Variants in RASL12 observed in about 807,000 individuals in gnomAD.
The protein encoded by RASL12 is ras-like protein family member 12.
A neutral mutation model predicts 22.9 loss-of-function variants in RASL12; 16 were observed. That is an observed-to-expected ratio of 0.70 (90% CI 0.47 to 1.06). The LOEUF is 1.06. Among genes scored for constraint, RASL12 ranks in the 50% least tolerant of loss-of-function variants. The probability of loss-of-function intolerance (pLI) is 0.00; values close to 1 mark genes in which losing one functional copy is unlikely to be tolerated. For synonymous variants in RASL12, 159 were observed against 152.2 expected (o/e 1.04, Z -0.33); for missense variants, 306 against 353.1 (o/e 0.87, Z 1.07).
upstream of RASL12, among the ~76,000 whole-genome samples, chr15:65,069,392 C>A (rs1248002671): frequency 6.6e-6 from 1 of 152,230 alleles, no homozygotes; most frequent in Non-Finnish European, 1.5e-5. Context: ...CCAGTCACAT[C>A]CCTGGGCTGG....
At chr15:65,059,549 T>C (rs1176115084) in intron 2 of RASL12, 131 bp from the exon 3 acceptor site, 1 of 693,734 alleles carries the variant, frequency 1.4e-6, no homozygotes, top group Non-Finnish European at 2.6e-6. Flanking sequence ...CACTGGAAAG[T>C]CCTTGGTTCT....
chr15:65,049,025 A>AG (rs2086612124), downstream of RASL12, among the ~76,000 whole-genome samples: 1 of 151,932 alleles, frequency 6.6e-6, no homozygotes, highest in Non-Finnish European at 1.5e-5. Context: ...AAAAAAAAAA[A>AG]AAGCGAAATA....
intron 2 of RASL12, among the ~76,000 whole-genome samples, chr15:65,061,783 C>A (rs939840119): frequency 6.6e-6 from 1 of 152,100 alleles, no homozygotes; most frequent in Non-Finnish European, 1.5e-5. Flanking sequence ...GGCGTGGTGG[C>A]TCACACCTGT....
rs1307981151 is a variant in RASL12, at chr15:65,058,539, T to C, written c.313A>G (p.Ser105Gly). ...AGGTAGCTGCTGCTGCTATCAAAGC[T>C]CTGGCGGCTGTCGACGCTGTACACC... ...LVVYSVDSRQ[S>G]FDSSSSYLEL... The change falls in exon 4 of 5, where the codon AGC (serine) becomes GGC (glycine). Residue 105 changes from serine (S) to glycine (G), a missense_variant. Physicochemically the swap from Ser to Gly is moderately conservative, Grantham distance 56. Transcript: ENST00000220062. 2 of 1,611,718 alleles carry C rather than the reference T, an allele frequency of 1.2e-6. No individual in the cohort carries two copies. Among genetic ancestry groups the C allele is most frequent in the South Asian group, 1.1e-5 (1 of 90,750 alleles).
chr15:65,057,157 C>G (rs1190144423), intron 4 of RASL12, among the ~76,000 whole-genome samples: 1 of 152,186 alleles, frequency 6.6e-6, no homozygotes, highest in East Asian at 1.9e-4. Flanking sequence ...TTCACGGTCC[C>G]ACACCTCTCT....
intron 3 of RASL12, 100 bp from the exon 4 acceptor site, chr15:65,058,717 G>A: frequency 1.1e-6 from 1 of 887,748 alleles, no homozygotes; most frequent in Non-Finnish European, 1.6e-6. Flanking sequence ...CCCGGTCTTT[G>A]TATATTGTTT....
chr15:65,062,387 T>C (rs1042400006), intron 2 of RASL12, among the ~76,000 whole-genome samples: 1 of 152,196 alleles, frequency 6.6e-6, no homozygotes, highest in Non-Finnish European at 1.5e-5. Flanking sequence ...GAGGGCCCCA[T>C]GCCACACAGA....
intron 3 of RASL12, among the ~76,000 whole-genome samples, chr15:65,059,043 A>G (rs1417431755): frequency 6.6e-6 from 1 of 152,212 alleles, no homozygotes; most frequent in Non-Finnish European, 1.5e-5. Context: ...TCTCACCAGG[A>G]GCATCTGTGT....
At chr15:65,046,640 C>T in the RASL12 span, among the ~76,000 whole-genome samples, 897 of 152,202 alleles carry the variant, frequency 5.9e-3, 6 homozygotes, top group African/African-American at 0.019. Flanking sequence ...TGGCCAGGCG[C>T]GGTGGCTCAT....
chr15:65,053,988 C>G lies in RASL12; in HGVS notation c.*911G>C, dbSNP rs2086693557. 9 of 985,712 alleles carry G rather than the reference C, an allele frequency of 9.1e-6. No individual in the cohort carries two copies. The highest frequency in any genetic ancestry group is 9.6e-6 in the Non-Finnish European group (8 of 829,952). 61.1% of individuals were successfully genotyped at this position (985,712 alleles called of 1,614,324 possible). ...TCATTGCTGAGGGTCCTGGGTCCTG[C>G]CAAACCAGATGACAAACGGGTATAC... On this transcript the variant is annotated 3_prime_UTR_variant, in exon 5 of 5. Transcript: ENST00000220062.
At chr15:65,053,293 T>C (rs759735652), downstream of RASL12, 3 of 1,433,736 alleles carry the variant, frequency 2.1e-6, no homozygotes, top group Admixed American at 2.9e-5. Context: ...TTTCTTTTTT[T>C]TTTTCTTAGC....
Position 65,054,710 on chromosome 15 carries a change from G to C in RASL12, c.*189C>G. On this transcript the variant is annotated 3_prime_UTR_variant, in exon 5 of 5. Transcript: ENST00000220062. ...GTGGTTACCATGAAGACCAAGGCCT[G>C]GAGGGAACAGAAGCAGCATCCCTGC... 1 of 1,424,238 alleles carries C rather than the reference G, an allele frequency of 7.0e-7. No individual in the cohort carries two copies. The allele number at this position is 1,424,238 out of a possible 1,614,324, so 88.2% of individuals were successfully genotyped here.
intron 1 of RASL12, among the ~76,000 whole-genome samples, chr15:65,073,543 G>A (rs4627285): frequency 0.01 from 1,553 of 152,268 alleles, 24 homozygotes; most frequent in African/African-American, 0.035. Flanking sequence ...GATGGGGAGC[G>A]GCTGTAAATA....
downstream of RASL12, among the ~76,000 whole-genome samples, chr15:65,052,646 C>T (rs1417160229): frequency 6.6e-6 from 1 of 152,130 alleles, no homozygotes; most frequent in Non-Finnish European, 1.5e-5. Flanking sequence ...ATCCACCCGC[C>T]TCAGCCTCCC....
the RASL12 span, among the ~76,000 whole-genome samples, chr15:65,046,170 G>A: frequency 1.3e-5 from 2 of 152,166 alleles, no homozygotes; most frequent in South Asian, 4.1e-4. Flanking sequence ...ATGTGGTGGC[G>A]GGCACCTATA....
At chr15:65,052,513 G>C (rs895456822), downstream of RASL12, among the ~76,000 whole-genome samples, 1 of 146,824 alleles carries the variant, frequency 6.8e-6, no homozygotes, top group Non-Finnish European at 1.5e-5. Flanking sequence ...TGATTCTCCT[G>C]CTTCAGCCTC....
chr15:65,049,009 CAAA>C (rs67842486), downstream of RASL12, among the ~76,000 whole-genome samples: 16 of 94,278 alleles, frequency 1.7e-4, no homozygotes, highest in Non-Finnish European at 2.5e-4. Flanking sequence ...GACTCCGTCT[CAAA>C]AAAAAAAAAA....
At chr15:65,055,589 C>A (rs2086721662) in intron 4 of RASL12, among the ~76,000 whole-genome samples, 1 of 152,202 alleles carries the variant, frequency 6.6e-6, no homozygotes, top group African/African-American at 2.4e-5. Flanking sequence ...TACTCCAAAT[C>A]CCCTATGCTA....
chr15:65,060,556 G>C (rs1357951087), intron 2 of RASL12, among the ~76,000 whole-genome samples: 1 of 152,208 alleles, frequency 6.6e-6, no homozygotes, highest in African/African-American at 2.4e-5. Context: ...AAGTGGCCAG[G>C]CATGCAGAGG....
Sources: gnomAD v4.1 joint callset for allele counts (sites outside exome capture counted in the v4.1 genomes callset) on GRCh38, gnomAD v4.1.1 for gene constraint, MANE v1.5 for transcripts, NCBI Gene and HGNC (gene_info 2026-07-23, HGNC 2026-07-21) for gene names.